PTPN6: variants seen among roughly 807,000 people sequenced by gnomAD.
The protein encoded by PTPN6 is tyrosine-protein phosphatase non-receptor type 6.
Under a neutral mutation model 81.5 loss-of-function variants are expected in PTPN6, and 18 were observed. The observed-to-expected ratio is 0.22, with a 90% CI of 0.15 to 0.33. The LOEUF is 0.33. Among genes scored for constraint, PTPN6 ranks in the 10% least tolerant of loss-of-function variants. PTPN6 has a pLI of 1.00. For synonymous variants in PTPN6, 301 were observed against 310.9 expected (o/e 0.97, Z 0.33); for missense variants, 500 against 794.2 (o/e 0.63, Z 4.45).
chr12:6,955,070 C>T lies in PTPN6; in HGVS notation c.516+76C>T. The stretch of plus-strand genomic sequence containing the variant: ...CCACAGTGTGGGTGGCAGGGAGGGT[C>T]TGCCTGGGCTTGAATTCAAGGCTGG... On this transcript the variant is annotated intron_variant, in intron 4 of 15. Coordinates refer to ENST00000318974, the MANE Select transcript of PTPN6 (RefSeq NM_002831.6). The surrounding 1 kb of genome is among the most constrained non-coding windows in gnomAD (Gnocchi z 7.2). 1.2e-6 allele frequency: 2 copies of T among 1,608,494 alleles called. No individual in the cohort carries two copies. Among genetic ancestry groups the T allele is most frequent in the Non-Finnish European group, 1.7e-6 (2 of 1,175,034 alleles).
upstream of PTPN6, chr12:6,946,842 T>G: frequency 2.3e-6 from 3 of 1,287,626 alleles, no homozygotes; most frequent in South Asian, 2.5e-5. Context: ...GAGTGCGATC[T>G]GCCGCTGCCC....
upstream of PTPN6, among the ~76,000 whole-genome samples, chr12:6,948,442 A>G (rs1439900155): frequency 6.6e-6 from 1 of 151,468 alleles, no homozygotes; most frequent in Non-Finnish European, 1.5e-5. Flanking sequence ...GTCAAAAAAA[A>G]AAAAAAAAGA....
chr12:6,959,597 AG>A lies in PTPN6; in HGVS notation c.1362-328del, dbSNP rs113871061. ...GGGCTCAGGGTACCTGGGAGCCGGC[AG>A]GACAGTGGTGGGATTTGGGGGTCCC... On this transcript the variant is annotated intron_variant, in intron 11 of 15. Coordinates refer to ENST00000318974, the MANE Select transcript of PTPN6 (RefSeq NM_002831.6). The surrounding 1 kb of genome is among the most constrained non-coding windows in gnomAD (Gnocchi z 6.6). The A allele has an allele frequency of 3.6e-3, 1,847 of 513,640 alleles. 33 individuals carry two copies. The highest frequency in any genetic ancestry group is 0.032 in the African/African-American group (1,651 of 52,076). 31.8% of individuals were successfully genotyped at this position (513,640 alleles called of 1,614,324 possible).
Position 6,956,656 on chromosome 12 carries a change from G to T in PTPN6, c.1074+88G>T. ...AGCAGTCAGATGCCAGGGCAGAAAG[G>T]GATCTCAGGGGTGAGGGTCCGGCCC... On this transcript the variant is annotated intron_variant, in intron 9 of 15. Coordinates refer to ENST00000318974, the MANE Select transcript of PTPN6 (RefSeq NM_002831.6). The surrounding 1 kb of genome is among the most constrained non-coding windows in gnomAD (Gnocchi z 4.1). 6.4e-7 allele frequency: 1 copy of T among 1,552,536 alleles called. No individual in the cohort carries two copies.
Position 6,955,829 on chromosome 12 carries a change from C to A in PTPN6, c.844+73C>A. ...AGCTGCCTCCCCTCATCTCACAGGTCTCCACCCTCCACGCCAGGAGGGGCC... is the reference window on the plus strand; with the variant it reads ...AGCTGCCTCCCCTCATCTCACAGGTATCCACCCTCCACGCCAGGAGGGGCC... On this transcript the variant is annotated intron_variant, in intron 7 of 15. Coordinates refer to ENST00000318974, the MANE Select transcript of PTPN6 (RefSeq NM_002831.6). The surrounding 1 kb of genome is among the most constrained non-coding windows in gnomAD (Gnocchi z 7.2). The A allele has an allele frequency of 7.3e-7, 1 of 1,370,100 alleles. No homozygotes were observed. The highest frequency in any genetic ancestry group is 1.0e-6 in the Non-Finnish European group (1 of 962,782). 84.9% of individuals were successfully genotyped at this position (1,370,100 alleles called of 1,614,324 possible). A position where few individuals can be genotyped will look rare whatever the true frequency, so the allele number is the denominator to read the frequency against.
chr12:6,960,713 G>A lies in PTPN6; in HGVS notation c.1674-93G>A, dbSNP rs1276765437. ...GTGGCTGCGTCACCTGTGAGACGGG[G>A]TGGCCAGAGGGGACTGCCAGTGCCG... On this transcript the variant is annotated intron_variant, in intron 14 of 15. Transcript: ENST00000318974. The surrounding 1 kb of genome is among the most constrained non-coding windows in gnomAD (Gnocchi z 6.1). 1.2e-5 allele frequency: 19 copies of A among 1,551,466 alleles called. No homozygotes were observed. Among genetic ancestry groups the A allele is most frequent in the Non-Finnish European group, 1.7e-5 (19 of 1,146,998 alleles).
chr12:6,955,428 G>A lies in PTPN6; in HGVS notation c.690G>A (p.Leu230=). The change falls in exon 6 of 16, where the codon CTG becomes CTA. Residue 230 remains leucine (L), a synonymous_variant. Coordinates refer to ENST00000318974, the MANE Select transcript of PTPN6 (RefSeq NM_002831.6). The surrounding 1 kb of genome is among the most constrained non-coding windows in gnomAD (Gnocchi z 7.2). The part of the protein sequence containing the change: ...AADIENRVLE[L]NKKQESEDTA... ...ACATTGAGAACCGAGTGTTGGAACT[G>A]AACAAGAAGCAGGAGTCCGAGGATA... The A allele has an allele frequency of 6.2e-7, 1 of 1,614,118 alleles. No individual in the cohort carries two copies. The highest frequency in any genetic ancestry group is 1.6e-4 in the Middle Eastern group (1 of 6,062).
Position 6,954,793 on chromosome 12 carries a change from T to C in PTPN6, c.327-12T>C. ...GCCTGGGTCTTACCTTCCCTGACGCTGCCTTCTCTAGGTGGTACCATGGCC... is the reference window on the plus strand; with the variant it reads ...GCCTGGGTCTTACCTTCCCTGACGCCGCCTTCTCTAGGTGGTACCATGGCC... On this transcript the variant is annotated splice_polypyrimidine_tract_variant and intron_variant, in intron 3 of 15. Coordinates refer to ENST00000318974, the MANE Select transcript of PTPN6 (RefSeq NM_002831.6). This position sits in a 1 kb window ranked among gnomAD's most constrained non-coding sequence, Gnocchi z 5.4. The C allele has an allele frequency of 6.2e-7, 1 of 1,612,988 alleles. No individual in the cohort carries two copies. Among genetic ancestry groups the C allele is most frequent in the Admixed American group, 1.7e-5 (1 of 60,024 alleles).
chr12:6,946,707 T>TC (rs781838500), upstream of PTPN6: 16 of 1,610,594 alleles, frequency 9.9e-6, no homozygotes, highest in Non-Finnish European at 1.2e-5. Context: ...TGCCGTGGCT[T>TC]CCCCCTCCCT....
rs782736625 is a variant in PTPN6, at chr12:6,951,470, C to T, written c.-43C>T. The T allele has an allele frequency of 1.2e-5, 19 of 1,613,236 alleles. No individual in the cohort carries two copies. Among genetic ancestry groups the T allele is most frequent in the Non-Finnish European group, 1.6e-5 (19 of 1,179,716 alleles). On this transcript the variant is annotated 5_prime_UTR_variant, in exon 1 of 16. Transcript: ENST00000318974. This position sits in a 1 kb window ranked among gnomAD's most constrained non-coding sequence, Gnocchi z 7.2. ...CTCTGCCTGCCCAGACTAGCTGCAC[C>T]TCCTCATTCCCTGCGCCCCCTTCCT...
rs998314149 is a variant in PTPN6, at chr12:6,957,312, G to A, written c.1075-342G>A. Among the ~76,000 whole-genome samples, 3 of 152,188 alleles carry A rather than the reference G, an allele frequency of 2.0e-5. No individual in the cohort carries two copies. Among genetic ancestry groups the A allele is most frequent in the Admixed American group, 6.5e-5 (1 of 15,278 alleles). On this transcript the variant is annotated intron_variant, in intron 9 of 15. Transcript: ENST00000318974. The surrounding 1 kb of genome is among the most constrained non-coding windows in gnomAD (Gnocchi z 6.5). ...CGCTCCTCAGCGCGGTGTCTCCCCC[G>A]GTCACCTGTCTCTGTGAGCTCCTCG...
upstream of PTPN6, among the ~76,000 whole-genome samples, chr12:6,947,992 A>C (rs1409060881): frequency 6.6e-6 from 1 of 152,012 alleles, no homozygotes; most frequent in Non-Finnish European, 1.5e-5. Context: ...AGGATGTTGA[A>C]AGTGAAAACC....
chr12:6,951,469 C>A lies in PTPN6; in HGVS notation c.-44C>A. 1 of 1,613,350 alleles carries A rather than the reference C, an allele frequency of 6.2e-7. No homozygotes were observed. On this transcript the variant is annotated 5_prime_UTR_variant, in exon 1 of 16. Transcript: ENST00000318974. The surrounding 1 kb of genome is among the most constrained non-coding windows in gnomAD (Gnocchi z 7.2). ...TCTCTGCCTGCCCAGACTAGCTGCA[C>A]CTCCTCATTCCCTGCGCCCCCTTCC...
upstream of PTPN6, among the ~76,000 whole-genome samples, chr12:6,948,525 A>G (rs1555147182): frequency 6.6e-6 from 1 of 151,578 alleles, no homozygotes; most frequent in Non-Finnish European, 1.5e-5. Context: ...AGCGAGAAAG[A>G]AGAAAGAAAA....
rs1946094253 is a variant in PTPN6 at position 6,959,711 on chromosome 12, GC to G, written c.1362-214del. On this transcript the variant is annotated intron_variant, in intron 11 of 15. Coordinates refer to ENST00000318974, the MANE Select transcript of PTPN6 (RefSeq NM_002831.6). The surrounding 1 kb of genome is among the most constrained non-coding windows in gnomAD (Gnocchi z 6.6). Reference sequence around the variant, plus strand: ...AGGGAAGGATGGTGGCAGCTGGGGAGCCAGCGTCAGCACCGCAGAGCCCGAG... The same window carrying G: ...AGGGAAGGATGGTGGCAGCTGGGGAGCAGCGTCAGCACCGCAGAGCCCGAG... 1 of 611,544 alleles carries G rather than the reference GC, an allele frequency of 1.6e-6. No individual in the cohort carries two copies. Among genetic ancestry groups the G allele is most frequent in the South Asian group, 1.9e-5 (1 of 52,794 alleles). The allele number at this position is 611,544 out of a possible 1,614,324, so 37.9% of individuals were successfully genotyped here. A position where few individuals can be genotyped will look rare whatever the true frequency, so the allele number is the denominator to read the frequency against.
Position 6,955,518 on chromosome 12 carries a change from C to T in PTPN6, c.747+33C>T, listed in dbSNP as rs115220993. On this transcript the variant is annotated intron_variant, in intron 6 of 15. Coordinates refer to ENST00000318974, the MANE Select transcript of PTPN6 (RefSeq NM_002831.6). The surrounding 1 kb of genome is among the most constrained non-coding windows in gnomAD (Gnocchi z 7.2). ...GTGGGGACCGGCAGGGCTGGGGCAGCTGAGGTGGTGGCAGCGGCCTGGGGC... is the reference window on the plus strand; with the variant it reads ...GTGGGGACCGGCAGGGCTGGGGCAGTTGAGGTGGTGGCAGCGGCCTGGGGC... 6.2e-7 allele frequency: 1 copy of T among 1,606,614 alleles called. No homozygotes were observed. Among genetic ancestry groups the T allele is most frequent in the African/African-American group, 1.3e-5 (1 of 74,892 alleles).
chr12:6,956,581 C>T lies in PTPN6; in HGVS notation c.1074+13C>T, dbSNP rs782006387. On this transcript the variant is annotated intron_variant, in intron 9 of 15. Coordinates refer to ENST00000318974, the MANE Select transcript of PTPN6 (RefSeq NM_002831.6). This position sits in a 1 kb window ranked among gnomAD's most constrained non-coding sequence, Gnocchi z 4.1. ...GGAGAAAGGCCGGGTAGGGCGCCCC[C>T]CCTTCCCCGCATCCGCCCCCGTGCT... The T allele has an allele frequency of 5.0e-6, 8 of 1,613,244 alleles. 1 individual carries two copies. In the South Asian group the frequency reaches 8.8e-5, roughly 18 times the overall value.
rs782475491 is a variant in PTPN6, at chr12:6,959,998, AG to A, written c.1429+8del. The A allele has an allele frequency of 2.1e-6, 2 of 946,510 alleles. No individual in the cohort carries two copies. Among genetic ancestry groups the A allele is most frequent in the South Asian group, 2.6e-5 (2 of 76,782 alleles). The allele number at this position is 946,510 out of a possible 1,614,324, so 58.6% of individuals were successfully genotyped here. A position where few individuals can be genotyped will look rare whatever the true frequency, so the allele number is the denominator to read the frequency against. On this transcript the variant is annotated splice_donor_5th_base_variant and intron_variant, in intron 12 of 15. Coordinates refer to ENST00000318974, the MANE Select transcript of PTPN6 (RefSeq NM_002831.6). This position sits in a 1 kb window ranked among gnomAD's most constrained non-coding sequence, Gnocchi z 6.6. Reference sequence around the variant, plus strand: ...ATGGAGAACATCTCCACCAAGGGTGAGGGGCACCTGGGGGTTTGGGGGTGGG... The same window carrying A: ...ATGGAGAACATCTCCACCAAGGGTGAGGGCACCTGGGGGTTTGGGGGTGGG...
At chr12:6,948,083 TA>T (rs1427489547), upstream of PTPN6, among the ~76,000 whole-genome samples, 3 of 150,608 alleles carry the variant, frequency 2.0e-5, no homozygotes, top group Non-Finnish European at 3.0e-5. Flanking sequence ...CTCAGGAGTT[TA>T]AAACCAGCCT....
Sources: allele counts gnomAD v4.1 joint callset (sites outside exome capture counted in the v4.1 genomes callset), GRCh38; gene constraint gnomAD v4.1.1; non-coding constraint Gnocchi (gnomAD v3.1); transcripts MANE v1.5; gene names NCBI Gene and HGNC (gene_info 2026-07-23, HGNC 2026-07-21).